Variants in ETV3 observed in about 807,000 individuals in gnomAD.
ETV3 encodes ETS translocation variant 3.
ETV3 carries 8 observed loss-of-function variants against 33.0 expected under a neutral mutation model. The observed-to-expected ratio is 0.24, with a 90% confidence interval of 0.14 to 0.44. The LOEUF is 0.44. ETV3 is among the 20% of genes least tolerant of loss of function. ETV3 has a pLI of 1.00. For synonymous variants in ETV3, 222 were observed against 238.9 expected, an observed-to-expected ratio of 0.93 and a Z score of 0.65; for missense variants, 473 against 652.3, an observed-to-expected ratio of 0.73 and a Z score of 2.99.
chr1:157,134,310 A>G (rs1427471254), intron 3 of ETV3, 83 bp from the exon 4 acceptor site: 1 of 1,524,830 alleles, frequency 6.6e-7, no homozygotes, highest in African/African-American at 1.4e-5. Context: ...GAGACCAACA[A>G]TTCTTGCTCT....
chr1:157,122,380 C>A lies in ETV3; in HGVS notation c.*2461G>T, dbSNP rs1674725449. The A allele has an allele frequency of 6.6e-6, 1 of 150,388 alleles. No homozygotes were observed. Among genetic ancestry groups the A allele is most frequent in the African/African-American group, 2.4e-5 (1 of 41,132 alleles). The allele number at this position is 150,388 out of a possible 1,614,324, so 9.3% of individuals were successfully genotyped here. A position where few individuals can be genotyped will look rare whatever the true frequency, so the allele number is the denominator to read the frequency against. ...AACCCCAGAGTGCAGTGCAAATCAA[C>A]CAACAATTTACTGGTGGAATGGCAA... On this transcript the variant is annotated 3_prime_UTR_variant, in exon 5 of 5. Coordinates refer to ENST00000368192, the MANE Select transcript of ETV3 (RefSeq NM_001145312.3).
intron 4 of ETV3, among the ~76,000 whole-genome samples, chr1:157,127,992 A>G (rs1175939358): frequency 6.6e-6 from 1 of 152,186 alleles, no homozygotes; most frequent in Non-Finnish European, 1.5e-5. Context: ...CAGGGTTCTC[A>G]GGCAAAGGTG....
rs896723090 is a variant in ETV3, at chr1:157,121,733, T to C, written c.*3108A>G. The C allele has an allele frequency of 2.6e-5, 4 of 152,210 alleles. No homozygotes were observed. Among genetic ancestry groups the C allele is most frequent in the Non-Finnish European group, 5.9e-5 (4 of 68,036 alleles). 9.4% of individuals were successfully genotyped at this position (152,210 alleles called of 1,614,324 possible). On this transcript the variant is annotated 3_prime_UTR_variant, in exon 5 of 5. Coordinates refer to ENST00000368192, the MANE Select transcript of ETV3 (RefSeq NM_001145312.3). ...AAAAAACAAGGGACAAACAGCCAACTGACTCTACCCACTTGGTGAGAAGTG... is the reference window on the plus strand; with the variant it reads ...AAAAAACAAGGGACAAACAGCCAACCGACTCTACCCACTTGGTGAGAAGTG...
chr1:157,126,190 A>C (rs1268006044), intron 4 of ETV3, among the ~76,000 whole-genome samples: 2 of 152,228 alleles, frequency 1.3e-5, no homozygotes, highest in African/African-American at 4.8e-5. Context: ...CTGTCTTCAC[A>C]GTACTCCTTA....
intron 4 of ETV3, among the ~76,000 whole-genome samples, chr1:157,128,142 T>C (rs953928060): frequency 6.6e-6 from 1 of 152,202 alleles, no homozygotes; most frequent in Non-Finnish European, 1.5e-5. Flanking sequence ...CTCCTCTTGG[T>C]CTAGCAGACT....
At chr1:157,136,273 C>A in intron 2 of ETV3, 34 bp downstream of exon 2, 2 of 1,606,274 alleles carry the variant, frequency 1.2e-6, no homozygotes, top group Admixed American at 1.7e-5. Flanking sequence ...AGGGAAGCTT[C>A]CAGGTACATC....
chr1:157,129,674 C>T (rs1305543159), intron 4 of ETV3, among the ~76,000 whole-genome samples: 1 of 152,206 alleles, frequency 6.6e-6, no homozygotes, highest in Non-Finnish European at 1.5e-5. Flanking sequence ...TAGCTTATTA[C>T]AGTGGCTACA....
rs1337245771 is a variant in ETV3, at chr1:157,123,049, A to C, written c.*1792T>G. The C allele has an allele frequency of 2.6e-5, 4 of 152,092 alleles. No homozygotes were observed. The highest frequency in any genetic ancestry group is 5.9e-5 in the Non-Finnish European group (4 of 68,022). 9.4% of individuals were successfully genotyped at this position (152,092 alleles called of 1,614,324 possible). A position where few individuals can be genotyped will look rare whatever the true frequency, so the allele number is the denominator to read the frequency against. ...AAGCACTGTAGTTTAAAAAGGAAAA[A>C]ACACCCCCCACCATTAAAAGACAAC... is the stretch of plus-strand genomic sequence containing the variant. On this transcript the variant is annotated 3_prime_UTR_variant, in exon 5 of 5. Transcript: ENST00000368192.
In ETV3 at chr1:157,125,819, T is replaced by G. The variant is rs1356022713; in HGVS notation, c.561A>C (p.Arg187Ser). 1 of 1,551,576 alleles carries G rather than the reference T, an allele frequency of 6.4e-7. No homozygotes were observed. Among genetic ancestry groups the G allele is most frequent in the African/African-American group, 1.4e-5 (1 of 73,024 alleles). ...SGQESSNGTD[R>S]KTELSELEDG... Reference sequence around the variant, plus strand: ...CCTCCAGCTCTGAAAGCTCAGTCTTTCTATCAGTACCATTACTGGACTCCT... The same window carrying G: ...CCTCCAGCTCTGAAAGCTCAGTCTTGCTATCAGTACCATTACTGGACTCCT... The change falls in exon 5 of 5, where the codon AGA (arginine) becomes AGC (serine). Residue 187 changes from arginine to serine, a missense_variant. Physicochemically the swap from Arg to Ser is moderately radical, Grantham distance 110. Around this residue, in one of 3 missense-constraint regions of ETV3, gnomAD observed 410 missense variants for 520.2 expected, o/e 0.79. Transcript: ENST00000368192. This position sits in a 1 kb window ranked among gnomAD's most constrained non-coding sequence, Gnocchi z 4.0.
At chr1:157,126,331 AAATATT>A (rs1266903052) in intron 4 of ETV3, among the ~76,000 whole-genome samples, 1 of 152,204 alleles carries the variant, frequency 6.6e-6, no homozygotes, top group Non-Finnish European at 1.5e-5. Context: ...TGTACACAAT[AAATATT>A]AAGTGGAATG....
intron 3 of ETV3, chr1:157,135,063 G>A (rs1257647862): frequency 4.3e-6 from 1 of 230,740 alleles, no homozygotes. Context: ...TCTTCCTCCC[G>A]TGACTTGCTT....
chr1:157,123,979 T>C lies in ETV3; in HGVS notation c.*862A>G, dbSNP rs746063595. ...TTTTGTTTTTCATCTGTTTTGTATT[T>C]AAAGGCATTGGGTTACTTCCTCCTG... On this transcript the variant is annotated 3_prime_UTR_variant, in exon 5 of 5. Transcript: ENST00000368192. 2.0e-5 allele frequency: 3 copies of C among 152,092 alleles called. No individual in the cohort carries two copies. The highest frequency in any genetic ancestry group is 4.4e-5 in the Non-Finnish European group (3 of 68,020). The allele number at this position is 152,092 out of a possible 1,614,324, so 9.4% of individuals were successfully genotyped here.
rs1163203810 is a variant in ETV3, at chr1:157,135,604, G to A, written c.151C>T (p.Arg51Cys). The A allele has an allele frequency of 3.7e-6, 6 of 1,613,986 alleles. No homozygotes were observed. The highest frequency in any genetic ancestry group is 2.5e-6 in the Non-Finnish European group (3 of 1,180,008). The part of the protein sequence containing the change: ...ILELLQKEEF[R>C]HVIAWQQGEY... ...CCCTGCTGCCAGGCGATGACATGGC[G>A]GAACTCTTCCTTCTGCAGCAGCTCC... The change falls in exon 3 of 5, where the codon CGC (arginine) becomes TGC (cysteine). Residue 51 changes from arginine (R) to cysteine (C), a missense_variant. Arg to Cys is a radical substitution (Grantham distance 180, BLOSUM62 -3). Transcript: ENST00000368192.
rs778086102 is a variant in ETV3, at chr1:157,125,139, G to C, written c.1241C>G (p.Thr414Ser). 9.7e-6 allele frequency: 15 copies of C among 1,550,684 alleles called. No homozygotes were observed. The highest frequency in any genetic ancestry group is 1.7e-4 in the Middle Eastern group (1 of 6,008). The part of the protein sequence containing the change: ...TQEEGTVPSR[T>S]IEEEKGTIFA... Reference sequence around the variant, plus strand: ...GATGGTGCCTTTTTCCTCTTCAATGGTCCTGCTTGGCACAGTGCCCTCTTC... The same window carrying C: ...GATGGTGCCTTTTTCCTCTTCAATGCTCCTGCTTGGCACAGTGCCCTCTTC... The change falls in exon 5 of 5, where the codon ACC (threonine) becomes AGC (serine). Residue 414 changes from threonine to serine, a missense_variant. By Grantham distance (58) the Thr-to-Ser change is moderately conservative. Coordinates refer to ENST00000368192, the MANE Select transcript of ETV3 (RefSeq NM_001145312.3). This position sits in a 1 kb window ranked among gnomAD's most constrained non-coding sequence, Gnocchi z 4.0.
chr1:157,134,646 G>A (rs1675050680), intron 3 of ETV3, among the ~76,000 whole-genome samples: 1 of 152,224 alleles, frequency 6.6e-6, no homozygotes. Context: ...TAGTCTGGAG[G>A]CCTAAGCTCA....
At position 157,125,209 on chromosome 1, in the gene ETV3, C is replaced by T; in HGVS notation, c.1171G>A (p.Glu391Lys). 6.4e-6 allele frequency: 10 copies of T among 1,552,244 alleles called. No homozygotes were observed. Among genetic ancestry groups the T allele is most frequent in the Non-Finnish European group, 8.7e-6 (10 of 1,147,118 alleles). The stretch of plus-strand genomic sequence containing the variant: ...TCTCGTGCCGACTGCCTGAGGCTCT[C>T]AGGATCCTTTTCAGAGGCAGGTTCC... ...KVEPASEKDP[E>K]SLRQSAREKE... Residue 391 changes from glutamate (E) to lysine (K), a missense_variant, in exon 5 of 5, where the codon GAG becomes AAG. Physicochemically the swap from Glu to Lys is moderately conservative, Grantham distance 56. Transcript: ENST00000368192. The surrounding 1 kb of genome is among the most constrained non-coding windows in gnomAD (Gnocchi z 4.0).
intron 4 of ETV3, among the ~76,000 whole-genome samples, chr1:157,131,725 G>A (rs1558031230): frequency 6.6e-6 from 1 of 152,166 alleles, no homozygotes; most frequent in African/African-American, 2.4e-5. Flanking sequence ...ACTTCACTGG[G>A]CTGAAAAGTT....
In ETV3 at chr1:157,123,176, G is replaced by GC. The variant is rs1674743428; in HGVS notation, c.*1664_*1665insG. Reference sequence around the variant, plus strand: ...CTCTGTGCCACCCTTCCTCTCATCGGATATGGAGTGATTTCTTCTCTCGCT... The same window carrying GC: ...CTCTGTGCCACCCTTCCTCTCATCGGCATATGGAGTGATTTCTTCTCTCGCT... On this transcript the variant is annotated 3_prime_UTR_variant, in exon 5 of 5. Coordinates refer to ENST00000368192, the MANE Select transcript of ETV3 (RefSeq NM_001145312.3). 6.6e-6 allele frequency: 1 copy of GC among 152,224 alleles called. No homozygotes were observed. Among genetic ancestry groups the GC allele is most frequent in the South Asian group, 2.1e-4 (1 of 4,832 alleles). 9.4% of individuals were successfully genotyped at this position (152,224 alleles called of 1,614,324 possible). A position where few individuals can be genotyped will look rare whatever the true frequency, so the allele number is the denominator to read the frequency against.
intron 1 of ETV3, among the ~76,000 whole-genome samples, chr1:157,137,509 A>AACACACACACAC (rs10567825): frequency 2.1e-5 from 3 of 145,090 alleles, no homozygotes; most frequent in South Asian, 4.5e-4. Flanking sequence ...GACAAGGAAA[A>AACACACACACAC]ACACACACAC....
Sources: gnomAD v4.1 joint callset for allele counts (sites outside exome capture counted in the v4.1 genomes callset) on GRCh38, gnomAD v4.1.1 for gene constraint, gnomAD v4.1.1 regional missense constraint, Gnocchi (gnomAD v3.1) non-coding constraint, MANE v1.5 for transcripts, NCBI Gene and HGNC (gene_info 2026-07-23, HGNC 2026-07-21) for gene names.